The following CDH18 variants were observed in gnomAD, a reference collection of about 807,000 sequenced individuals.
CDH18 encodes cadherin-18.
A neutral mutation model predicts 67.9 loss-of-function variants in CDH18; 31 were observed. That is an observed-to-expected ratio of 0.46 (90% CI 0.34 to 0.62). The LOEUF (loss-of-function observed/expected upper bound fraction) is 0.62, where lower values mean the gene tolerates loss of function less well. Ranked by LOEUF, CDH18 falls within the 20% of genes least tolerant of loss-of-function variation. CDH18 has a pLI of 0.01. For synonymous variants in CDH18, 362 were observed against 347.2 expected, an observed-to-expected ratio of 1.04 and a Z score of -0.48; for missense variants, 890 against 975.5, an observed-to-expected ratio of 0.91 and a Z score of 1.17.
rs370673128 is a variant in CDH18 at position 20,285,766 on chromosome 5, A to G, written c.-579-30261T>C. On this transcript the variant is annotated intron_variant, in intron 1 of 14. Coordinates refer to the CDH18 transcript ENST00000507958. ...AATAGAAAAATCATTTAAATTTAGT[A>G]ATAGTCAAATCATAGAACAATATCA... is the stretch of plus-strand genomic sequence containing the variant. Among the ~76,000 whole-genome samples, 495 of 151,764 alleles carry G rather than the reference A, an allele frequency of 3.3e-3. 7 individuals are homozygous for G. The highest frequency in any genetic ancestry group is 0.026 in the South Asian group (126 of 4,832).
chr5:20,103,229 G>GT (rs1238711692), intron 2 of CDH18, among the ~76,000 whole-genome samples: 2 of 152,194 alleles, frequency 1.3e-5, no homozygotes, highest in Non-Finnish European at 1.5e-5. Context: ...ATTCTTCTCT[G>GT]TTTTTACAAT....
chr5:20,468,357 C>A (rs921140392), intron 1 of CDH18, among the ~76,000 whole-genome samples: 4 of 152,080 alleles, frequency 2.6e-5, no homozygotes, highest in Non-Finnish European at 5.9e-5. Context: ...GTACATTCCT[C>A]CAGTTGGCAT....
At chr5:19,963,133 G>C (rs1230430301) in intron 2 of CDH18, among the ~76,000 whole-genome samples, 1 of 152,214 alleles carries the variant, frequency 6.6e-6, no homozygotes, top group South Asian at 2.1e-4. Context: ...ACAAGCTAAT[G>C]TCTATGTACC....
At chr5:20,301,789 CTTTTT>C (rs59276117) in intron 1 of CDH18, among the ~76,000 whole-genome samples, 54,182 of 128,330 alleles carry the variant, frequency 0.42, 11,428 homozygotes, top group Middle Eastern at 0.64. Context: ...TTTCTTTTTT[CTTTTT>C]TTTTTTTTTT....
intron 2 of CDH18, among the ~76,000 whole-genome samples, chr5:20,004,000 T>G (rs1334802014): frequency 6.6e-6 from 1 of 152,244 alleles, no homozygotes; most frequent in African/African-American, 2.4e-5. Flanking sequence ...TACTTGCATC[T>G]AATATATCGT....
intron 1 of CDH18, among the ~76,000 whole-genome samples, chr5:20,531,531 A>G (rs1756397442): frequency 6.6e-6 from 1 of 152,086 alleles, no homozygotes; most frequent in Non-Finnish European, 1.5e-5. Flanking sequence ...AACATGATAC[A>G]TATACACCAT....
intron 1 of CDH18, among the ~76,000 whole-genome samples, chr5:20,563,695 A>G (rs1758345572): frequency 6.6e-6 from 1 of 152,152 alleles, no homozygotes; most frequent in Non-Finnish European, 1.5e-5. Flanking sequence ...GGCTCAAATT[A>G]AACAACTGGT....
At chr5:20,425,651 G>A (rs1748245892) in intron 1 of CDH18, among the ~76,000 whole-genome samples, 1 of 150,892 alleles carries the variant, frequency 6.6e-6, no homozygotes. Flanking sequence ...CTTTTGGTGT[G>A]TAGCAATCTG....
chr5:19,734,516 C>G (rs1768037999), intron 4 of CDH18, among the ~76,000 whole-genome samples: 1 of 152,036 alleles, frequency 6.6e-6, no homozygotes, highest in Non-Finnish European at 1.5e-5. Context: ...AAAAATTCAC[C>G]AAAGGCCTTA....
intron 2 of CDH18, among the ~76,000 whole-genome samples, chr5:19,904,845 G>T (rs558970071): frequency 2.0e-4 from 30 of 152,238 alleles, no homozygotes; most frequent in African/African-American, 6.7e-4. Context: ...GAGGAGGAAG[G>T]TCCTTAATTT....
chr5:19,704,463 A>C (rs1486482720), intron 5 of CDH18, among the ~76,000 whole-genome samples: 1 of 152,148 alleles, frequency 6.6e-6, no homozygotes, highest in Non-Finnish European at 1.5e-5. Flanking sequence ...CTAATTCCAG[A>C]GCAATTATAC....
At chr5:19,570,389 T>G (rs760421567) in intron 8 of CDH18, among the ~76,000 whole-genome samples, 11 of 152,218 alleles carry the variant, frequency 7.2e-5, no homozygotes, top group Non-Finnish European at 1.6e-4. Context: ...GCAGATGGAG[T>G]AGGATTGTTG....
chr5:19,965,388 T>C (rs1797325538), intron 2 of CDH18, among the ~76,000 whole-genome samples: 2 of 152,280 alleles, frequency 1.3e-5, no homozygotes, highest in South Asian at 4.1e-4. Flanking sequence ...TAAGAAAAAC[T>C]CTAAATCTGA....
chr5:20,155,515 C>A (rs972579225), intron 2 of CDH18, among the ~76,000 whole-genome samples: 3 of 151,954 alleles, frequency 2.0e-5, no homozygotes, highest in African/African-American at 7.2e-5. Context: ...TTCTCCTGTT[C>A]TGTAGGTTGT....
intron 1 of CDH18, among the ~76,000 whole-genome samples, chr5:20,502,697 A>C (rs999590850): frequency 2.8e-4 from 42 of 152,206 alleles, no homozygotes; most frequent in African/African-American, 9.6e-4. Flanking sequence ...AAAACAAACA[A>C]GGTGTATAAT....
At chr5:19,755,696 G>A (rs2149685671) in intron 3 of CDH18, among the ~76,000 whole-genome samples, 1 of 151,296 alleles carries the variant, frequency 6.6e-6, no homozygotes, top group South Asian at 2.1e-4. Flanking sequence ...TAAGCTTTCT[G>A]CAAGCTGAGG....
At chr5:19,991,181 A>T (rs947464068), upstream of CDH18, among the ~76,000 whole-genome samples, 2 of 152,278 alleles carry the variant, frequency 1.3e-5, no homozygotes, top group East Asian at 1.9e-4. Context: ...TTACCCTGAA[A>T]ATTTAGCAAG....
intron 1 of CDH18, among the ~76,000 whole-genome samples, chr5:20,403,728 T>A (rs1261106916): frequency 6.6e-6 from 1 of 152,152 alleles, no homozygotes; most frequent in Non-Finnish European, 1.5e-5. Context: ...TTTAGCAAAA[T>A]TCTAAACTGG....
chr5:20,061,055 G>C (rs1742440914), intron 2 of CDH18, among the ~76,000 whole-genome samples: 1 of 151,804 alleles, frequency 6.6e-6, no homozygotes, highest in South Asian at 2.1e-4. Flanking sequence ...ATAATTCTGA[G>C]AAATATACTA....
Sources: allele counts gnomAD v4.1 joint callset (sites outside exome capture counted in the v4.1 genomes callset), GRCh38; gene constraint gnomAD v4.1.1; transcripts MANE v1.5; gene names NCBI Gene and HGNC (gene_info 2026-07-23, HGNC 2026-07-21).